SORCS1: variants seen among roughly 807,000 people sequenced by gnomAD.
SORCS1 encodes sortilin related VPS10 domain containing receptor 1.
In SORCS1, 60 loss-of-function variants were observed where a neutral mutation model predicts 146.1. The ratio of observed to expected loss-of-function variants is 0.41; its 90% CI spans 0.33 to 0.51. SORCS1 has a LOEUF of 0.51. Among genes scored for constraint, SORCS1 ranks in the 20% least tolerant of loss-of-function variants. The pLI is 0.21. For synonymous variants in SORCS1, 637 were observed against 584.0 expected, an observed-to-expected ratio of 1.09 and a Z score of -1.31; for missense variants, 1,352 against 1,487.6, an observed-to-expected ratio of 0.91 and a Z score of 1.50.
intron 2 of SORCS1, among the ~76,000 whole-genome samples, chr10:106,843,688 G>GC (rs973768819): frequency 6.6e-6 from 1 of 151,980 alleles, no homozygotes; most frequent in African/African-American, 2.4e-5. Flanking sequence ...GCCCACCTTG[G>GC]CCCCCCAAAG....
intron 16 of SORCS1, among the ~76,000 whole-genome samples, chr10:106,669,834 C>A (rs535360745): frequency 1.3e-5 from 2 of 152,150 alleles, no homozygotes; most frequent in African/African-American, 4.8e-5. Flanking sequence ...ACTGGTCTGA[C>A]GGCTGGCTGC....
chr10:106,741,400 A>G (rs970941910), intron 5 of SORCS1, among the ~76,000 whole-genome samples: 1 of 152,110 alleles, frequency 6.6e-6, no homozygotes, highest in African/African-American at 2.4e-5. Flanking sequence ...GGAGGTGAAG[A>G]CCAGCCTAGC....
At chr10:106,937,688 G>A (rs551580976) in intron 2 of SORCS1, among the ~76,000 whole-genome samples, 1 of 152,234 alleles carries the variant, frequency 6.6e-6, no homozygotes, top group African/African-American at 2.4e-5. Flanking sequence ...TCTAGGCTGG[G>A]CACGGTGGCT....
rs1956775920 is a variant in SORCS1 at position 106,991,636 on chromosome 10, C to A, written c.559-35056G>T. 2.0e-5 allele frequency among the ~76,000 whole-genome samples: 3 copies of A among 152,274 alleles called. No homozygotes were observed. In the South Asian group the frequency reaches 6.2e-4, roughly 32 times the overall value. On this transcript the variant is annotated intron_variant, in intron 1 of 25. Coordinates refer to ENST00000263054, the MANE Select transcript of SORCS1 (RefSeq NM_052918.5). ...ATCCATGATTTTTGGCTTTGAATAT[C>A]ACTAATAATTATCTGTTTTTGATTA...
chr10:106,910,940 C>T (rs1286717756), intron 2 of SORCS1, among the ~76,000 whole-genome samples: 2 of 152,158 alleles, frequency 1.3e-5, no homozygotes, highest in East Asian at 1.9e-4. Flanking sequence ...TGTCTATCCA[C>T]GTTTCAACTA....
At chr10:107,050,619 T>C (rs1960013808) in intron 1 of SORCS1, among the ~76,000 whole-genome samples, 1 of 152,224 alleles carries the variant, frequency 6.6e-6, no homozygotes, top group African/African-American at 2.4e-5. Context: ...TAGAATTTAA[T>C]ATGCCACAAG....
At chr10:106,604,726 T>C (rs1381793938) in intron 23 of SORCS1, among the ~76,000 whole-genome samples, 3 of 152,204 alleles carry the variant, frequency 2.0e-5, no homozygotes, top group African/African-American at 7.2e-5. Flanking sequence ...ATTCCCATCA[T>C]CCTCTCTTCC....
chr10:106,760,276 C>A (rs953428631), intron 5 of SORCS1, among the ~76,000 whole-genome samples: 3 of 151,678 alleles, frequency 2.0e-5, no homozygotes, highest in Admixed American at 6.6e-5. Context: ...AACTCCGTCT[C>A]TACTAAAAAT....
chr10:106,750,504 G>A (rs1309567865), intron 5 of SORCS1, among the ~76,000 whole-genome samples: 2 of 151,670 alleles, frequency 1.3e-5, no homozygotes, highest in East Asian at 1.9e-4. Context: ...GCCGAGGCGG[G>A]CGGATTACGA....
intron 2 of SORCS1, among the ~76,000 whole-genome samples, chr10:106,860,709 G>A (rs754297189): frequency 1.1e-4 from 17 of 152,156 alleles, no homozygotes; most frequent in African/African-American, 3.1e-4. Context: ...GGTACTATTC[G>A]TAGAATGATG....
At chr10:107,172,221 T>A in the SORCS1 span, among the ~76,000 whole-genome samples, 1 of 152,226 alleles carries the variant, frequency 6.6e-6, no homozygotes, top group Admixed American at 6.5e-5. Context: ...CTTCTTAGAC[T>A]TCCATTAACT....
At chr10:106,644,192 A>C (rs1849258095) in intron 18 of SORCS1, among the ~76,000 whole-genome samples, 1 of 152,172 alleles carries the variant, frequency 6.6e-6, no homozygotes, top group Non-Finnish European at 1.5e-5. Flanking sequence ...TAAAATATAC[A>C]TTAAAAATGT....
intron 1 of SORCS1, among the ~76,000 whole-genome samples, chr10:107,071,581 G>T (rs1422091854): frequency 6.6e-6 from 1 of 152,162 alleles, no homozygotes; most frequent in Non-Finnish European, 1.5e-5. Context: ...TTGTTGAATT[G>T]TCACTGGGCG....
At chr10:106,976,333 G>GTTTTTCTTTTGT (rs1554901324) in intron 1 of SORCS1, among the ~76,000 whole-genome samples, 2 of 113,814 alleles carry the variant, frequency 1.8e-5, no homozygotes, top group African/African-American at 7.9e-5. Flanking sequence ...AGGTTTTTTT[G>GTTTTTCTTTTGT]TTTTTTTTTT....
chr10:106,674,307 C>T (rs541147166), intron 14 of SORCS1, among the ~76,000 whole-genome samples: 10 of 94,536 alleles, frequency 1.1e-4, no homozygotes, highest in South Asian at 7.1e-4. Flanking sequence ...CCAGCCTGGG[C>T]GACAGAGTAA....
chr10:106,663,196 G>T (rs1468399568), intron 17 of SORCS1, among the ~76,000 whole-genome samples: 1 of 152,064 alleles, frequency 6.6e-6, no homozygotes, highest in African/African-American at 2.4e-5. Flanking sequence ...TGAAATTAAA[G>T]AAATGAGAAA....
At chr10:107,138,491 T>G (rs1967530233) in intron 1 of SORCS1, among the ~76,000 whole-genome samples, 2 of 152,190 alleles carry the variant, frequency 1.3e-5, no homozygotes. Flanking sequence ...TCCAGTAAAC[T>G]GTGCCCAGGG....
intron 1 of SORCS1, among the ~76,000 whole-genome samples, chr10:107,101,749 A>ATG (rs34645920): frequency 0.41 from 60,624 of 147,206 alleles, 13,489 homozygotes; most frequent in Middle Eastern, 0.56. Flanking sequence ...TGGGCTAATT[A>ATG]TGTGTGTGTG....
chr10:107,107,765 T>C (rs917772793), intron 1 of SORCS1, among the ~76,000 whole-genome samples: 2 of 152,244 alleles, frequency 1.3e-5, no homozygotes, highest in South Asian at 2.1e-4. Flanking sequence ...TTGGTGATCA[T>C]GGTTCTGACT....
Sources: allele counts gnomAD v4.1 joint callset (sites outside exome capture counted in the v4.1 genomes callset), GRCh38; gene constraint gnomAD v4.1.1; transcripts MANE v1.5; gene names NCBI Gene and HGNC (gene_info 2026-07-23, HGNC 2026-07-21).